NCOA2: variants seen among roughly 807,000 people sequenced by gnomAD.
The protein encoded by NCOA2 is class E basic helix-loop-helix protein 75.
Under a neutral mutation model 145.1 loss-of-function variants are expected in NCOA2, and 21 were observed. The ratio of observed to expected loss-of-function variants is 0.14; its 90% CI spans 0.10 to 0.21. NCOA2 has a LOEUF of 0.21. NCOA2 is among the 10% of genes least tolerant of loss of function. NCOA2 has a pLI of 1.00. For missense variants in NCOA2, 1,472 were observed against 1,837.6 expected (o/e 0.80, Z 3.64); for synonymous variants, 619 against 637.5 (o/e 0.97, Z 0.44).
chr8:70,288,384 GC>G (rs200389579), intron 2 of NCOA2, among the ~76,000 whole-genome samples: 1 of 152,142 alleles, frequency 6.6e-6, no homozygotes, highest in East Asian at 1.9e-4. Context: ...TTCAAGACCA[GC>G]CTGGCCAAAT....
At chr8:70,297,598 G>A (rs1827184518) in intron 1 of NCOA2, among the ~76,000 whole-genome samples, 1 of 152,178 alleles carries the variant, frequency 6.6e-6, no homozygotes, top group Non-Finnish European at 1.5e-5. Context: ...CTTCCAAAAT[G>A]CCAGGATTAC....
upstream of NCOA2, among the ~76,000 whole-genome samples, chr8:70,408,625 T>C (rs898104807): frequency 6.6e-6 from 1 of 151,960 alleles, no homozygotes; most frequent in African/African-American, 2.4e-5. Flanking sequence ...ATAGCAATAC[T>C]GTGTCTCTTA....
intron 10 of NCOA2, among the ~76,000 whole-genome samples, chr8:70,158,166 GATTT>G (rs1321304654): frequency 6.6e-6 from 1 of 152,164 alleles, no homozygotes; most frequent in African/African-American, 2.4e-5. Flanking sequence ...TTTGAGGTTA[GATTT>G]ATTAACAGTT....
chr8:70,255,909 G>T (rs1217079462), intron 2 of NCOA2, among the ~76,000 whole-genome samples: 2 of 152,200 alleles, frequency 1.3e-5, no homozygotes, highest in African/African-American at 4.8e-5. Context: ...TTTTCCAACA[G>T]CAGCTTGCTA....
intron 1 of NCOA2, among the ~76,000 whole-genome samples, chr8:70,368,602 A>G (rs1026010631): frequency 6.6e-6 from 1 of 152,232 alleles, no homozygotes; most frequent in Non-Finnish European, 1.5e-5. Context: ...TTCTTATAAA[A>G]CAGCTTAAGT....
At chr8:70,350,379 GT>G (rs1291107456) in intron 1 of NCOA2, among the ~76,000 whole-genome samples, 2 of 151,878 alleles carry the variant, frequency 1.3e-5, no homozygotes, top group Non-Finnish European at 2.9e-5. Flanking sequence ...CTGCAGTTAG[GT>G]TTTTTTCCTG....
chr8:70,340,388 G>A (rs1808017808), intron 1 of NCOA2, among the ~76,000 whole-genome samples: 1 of 152,046 alleles, frequency 6.6e-6, no homozygotes, highest in African/African-American at 2.4e-5. Context: ...AAACCACAAG[G>A]AGACAGATAC....
chr8:70,438,437 C>T, the NCOA2 span, among the ~76,000 whole-genome samples: 3,152 of 152,060 alleles, frequency 0.021, 108 homozygotes, highest in African/African-American at 0.072. Context: ...TGGCTTTATA[C>T]TAAAATAACC....
At chr8:70,341,094 A>AAGAAAAG (rs1554630206) in intron 1 of NCOA2, among the ~76,000 whole-genome samples, 5 of 150,232 alleles carry the variant, frequency 3.3e-5, no homozygotes, top group Admixed American at 6.6e-5. Flanking sequence ...AAAAAAAAAA[A>AAGAAAAG]AAAGAAACAA....
chr8:70,170,954 T>C (rs1240038174), intron 5 of NCOA2, among the ~76,000 whole-genome samples: 1 of 152,188 alleles, frequency 6.6e-6, no homozygotes, highest in Non-Finnish European at 1.5e-5. Flanking sequence ...TTGGTGTATA[T>C]GGGAAAGGGT....
chr8:70,214,135 G>A lies in NCOA2; in HGVS notation c.87-60C>T, dbSNP rs1329234393. The A allele has an allele frequency of 3.4e-6, 5 of 1,487,552 alleles. No homozygotes were observed. The East Asian group carries it at 1.1e-4, about 34-fold the overall frequency. 92.1% of individuals were successfully genotyped at this position (1,487,552 alleles called of 1,614,324 possible). A position where few individuals can be genotyped will look rare whatever the true frequency, so the allele number is the denominator to read the frequency against. On this transcript the variant is annotated intron_variant, in intron 3 of 22. Coordinates refer to ENST00000452400, the MANE Select transcript of NCOA2 (RefSeq NM_006540.4). ...GAAAAAGAGCTATTGTGAAAAAAAT[G>A]AACGTGTTAAACAAGTTTAATACAA...
intron 2 of NCOA2, among the ~76,000 whole-genome samples, chr8:70,280,440 A>G (rs1392545211): frequency 6.6e-6 from 1 of 152,210 alleles, no homozygotes; most frequent in Non-Finnish European, 1.5e-5. Flanking sequence ...TCAGAAATCA[A>G]TTTGCTGAAA....
At chr8:70,180,960 A>G (rs1028978302) in intron 4 of NCOA2, among the ~76,000 whole-genome samples, 1 of 152,264 alleles carries the variant, frequency 6.6e-6, no homozygotes, top group Non-Finnish European at 1.5e-5. Flanking sequence ...TTTTTAAAAA[A>G]GTACAATTAA....
intron 1 of NCOA2, among the ~76,000 whole-genome samples, chr8:70,356,376 A>G (rs1238659955): frequency 6.6e-6 from 1 of 152,218 alleles, no homozygotes; most frequent in Admixed American, 6.5e-5. Context: ...AGCAAAAACA[A>G]GTAAAATCAC....
intron 1 of NCOA2, among the ~76,000 whole-genome samples, chr8:70,341,145 C>T (rs923216185): frequency 1.3e-4 from 20 of 149,720 alleles, no homozygotes; most frequent in Non-Finnish European, 5.9e-5. Context: ...AATCCCAGCA[C>T]TTTGGGAGGC....
intron 9 of NCOA2, among the ~76,000 whole-genome samples, chr8:70,162,259 T>C (rs915166339): frequency 6.6e-6 from 1 of 152,314 alleles, no homozygotes; most frequent in Admixed American, 6.5e-5. Flanking sequence ...GTGTCAACTT[T>C]TGGGCCCTCT....
intron 9 of NCOA2, among the ~76,000 whole-genome samples, chr8:70,161,785 A>G (rs1813041860): frequency 6.6e-6 from 1 of 152,234 alleles, no homozygotes; most frequent in Non-Finnish European, 1.5e-5. Context: ...AGCATGGCGC[A>G]GCTGACAGTG....
At chr8:70,251,220 G>A (rs1023244152) in intron 2 of NCOA2, among the ~76,000 whole-genome samples, 12 of 152,128 alleles carry the variant, frequency 7.9e-5, no homozygotes, top group Admixed American at 7.9e-4. Context: ...AGCAGGGACT[G>A]CTATTTTGTT....
In NCOA2 at chr8:70,159,603, A is replaced by G. The variant is rs771658219; in HGVS notation, c.1026T>C (p.Ser342=). The part of the protein sequence containing the change: ...AFSQIYRFSL[S]DGTLVAAQTK... The stretch of plus-strand genomic sequence containing the variant: ...TTTGTGCAGCAACAAGAGTGCCATC[A>G]GACAAGGAAAAACGATAGATTTGAC... Residue 342 remains serine (S), a synonymous_variant, in exon 10 of 23, where the codon TCT becomes TCC. Coordinates refer to ENST00000452400, the MANE Select transcript of NCOA2 (RefSeq NM_006540.4). 6.2e-7 allele frequency: 1 copy of G among 1,613,040 alleles called. No individual in the cohort carries two copies. Among genetic ancestry groups the G allele is most frequent in the South Asian group, 1.1e-5 (1 of 91,048 alleles).
Sources: gnomAD v4.1 joint callset for allele counts (sites outside exome capture counted in the v4.1 genomes callset) on GRCh38, gnomAD v4.1.1 for gene constraint, MANE v1.5 for transcripts, NCBI Gene and HGNC (gene_info 2026-07-23, HGNC 2026-07-21) for gene names.